Variants in GIT2 observed in about 807,000 individuals in gnomAD.
The protein encoded by GIT2 is GIT ArfGAP 2.
A neutral mutation model predicts 100.3 loss-of-function variants in GIT2; 32 were observed. The ratio of observed to expected loss-of-function variants is 0.32; its 90% CI spans 0.24 to 0.43. The LOEUF is 0.43. GIT2 is among the 20% of genes least tolerant of loss of function. The pLI is 1.00. For synonymous variants in GIT2, 353 were observed against 364.1 expected, an observed-to-expected ratio of 0.97 and a Z score of 0.35; for missense variants, 737 against 975.1, an observed-to-expected ratio of 0.76 and a Z score of 3.25.
intron 13 of GIT2, 115 bp from the exon 14 acceptor site, chr12:109,951,431 C>T (rs1388022155): frequency 1.3e-6 from 1 of 770,250 alleles, no homozygotes; most frequent in East Asian, 2.5e-5. Context: ...TTAGTCAAAC[C>T]AAATCAAGGC....
At chr12:109,996,901 A>AC (rs1173701813), upstream of GIT2, among the ~76,000 whole-genome samples, 1 of 151,656 alleles carries the variant, frequency 6.6e-6, no homozygotes, top group Non-Finnish European at 1.5e-5. Context: ...ACATGGTGAA[A>AC]CCCCATCTCT....
chr12:109,933,964 GA>G lies in GIT2; in HGVS notation c.2067+57del. ...GCTAATGTAATATATAGGTCATAAA[GA>G]AATTTCTTGCTGTTCATTTAAAAGG... On this transcript the variant is annotated intron_variant, in intron 19 of 19. Transcript: ENST00000355312. The surrounding 1 kb of genome is among the most constrained non-coding windows in gnomAD (Gnocchi z 4.5). 5.4e-6 allele frequency: 5 copies of G among 931,738 alleles called. No individual in the cohort carries two copies. Among genetic ancestry groups the G allele is most frequent in the South Asian group, 3.9e-5 (3 of 77,368 alleles). 57.7% of individuals were successfully genotyped at this position (931,738 alleles called of 1,614,324 possible). A position where few individuals can be genotyped will look rare whatever the true frequency, so the allele number is the denominator to read the frequency against.
At position 109,947,538 on chromosome 12, in the gene GIT2, T is replaced by G. The variant is rs1216022497; in HGVS notation, c.1393-34A>C. 1 of 1,595,712 alleles carries G rather than the reference T, an allele frequency of 6.3e-7. No individual in the cohort carries two copies. Among genetic ancestry groups the G allele is most frequent in the African/African-American group, 1.3e-5 (1 of 74,160 alleles). Reference sequence around the variant, plus strand: ...AATGTTTGGCAGTGGGACTGTGTTTTTTTACAGCAAGCAGAAAAAGCAAAC... The same window carrying G: ...AATGTTTGGCAGTGGGACTGTGTTTGTTTACAGCAAGCAGAAAAAGCAAAC... On this transcript the variant is annotated intron_variant, in intron 14 of 19. Transcript: ENST00000355312. The surrounding 1 kb of genome is among the most constrained non-coding windows in gnomAD (Gnocchi z 4.3).
chr12:109,996,487 T>C (rs928328883), upstream of GIT2: 2 of 443,264 alleles, frequency 4.5e-6, no homozygotes, highest in African/African-American at 4.1e-5. Context: ...TCATCTGTCC[T>C]ACCTTTAAAT....
chr12:109,967,077 A>G (rs1882694354), intron 8 of GIT2, among the ~76,000 whole-genome samples: 1 of 152,248 alleles, frequency 6.6e-6, no homozygotes, highest in Admixed American at 6.5e-5. Context: ...GAAAGCGGCC[A>G]TATTACCCAC....
chr12:109,953,387 A>G, intron 12 of GIT2, 153 bp from the exon 13 acceptor site: 1 of 706,578 alleles, frequency 1.4e-6, no homozygotes, highest in Middle Eastern at 4.0e-4. Flanking sequence ...TAGGAGGCCA[A>G]GGAGGAGAAC....
chr12:109,933,390 AG>A lies in GIT2; in HGVS notation c.2068-201del. On this transcript the variant is annotated intron_variant, in intron 19 of 19. Coordinates refer to ENST00000355312, the MANE Select transcript of GIT2 (RefSeq NM_057169.5). The surrounding 1 kb of genome is among the most constrained non-coding windows in gnomAD (Gnocchi z 4.5). ...GAGATGCTGAAATATTCTGATTCAA[AG>A]GTCAAAGTGCATGCAGGGTAATTTT... 1 of 522,016 alleles carries A rather than the reference AG, an allele frequency of 1.9e-6. No homozygotes were observed. Among genetic ancestry groups the A allele is most frequent in the South Asian group, 3.0e-5 (1 of 33,152 alleles). The allele number at this position is 522,016 out of a possible 1,614,324, so 32.3% of individuals were successfully genotyped here.
intron 11 of GIT2, among the ~76,000 whole-genome samples, 190 bp from the exon 12 acceptor site, chr12:109,960,148 T>C (rs1414368626): frequency 6.6e-6 from 1 of 152,210 alleles, no homozygotes; most frequent in Non-Finnish European, 1.5e-5. Context: ...TTTAAAACCA[T>C]TTATATAAGA....
chr12:109,995,160 CA>C (rs1404039513), intron 1 of GIT2, among the ~76,000 whole-genome samples: 1 of 152,178 alleles, frequency 6.6e-6, no homozygotes, highest in Admixed American at 6.6e-5. Flanking sequence ...TACATCCAAG[CA>C]CCTAAAACAG....
At chr12:109,965,658 T>C (rs546322642) in intron 8 of GIT2, 81 bp from the exon 9 acceptor site, 1 of 901,194 alleles carries the variant, frequency 1.1e-6, no homozygotes, top group South Asian at 1.4e-5. Flanking sequence ...ACCCAAGAGA[T>C]AAAAATATTA....
Position 109,934,010 on chromosome 12 carries a change from G to A in GIT2, c.2067+12C>T. Reference sequence around the variant, plus strand: ...AAAAGGATTTAAACCAAGTGAGTAGGAAGTGACTTACTTTGGGGAATAATG... The same window carrying A: ...AAAAGGATTTAAACCAAGTGAGTAGAAAGTGACTTACTTTGGGGAATAATG... On this transcript the variant is annotated intron_variant, in intron 19 of 19. Transcript: ENST00000355312. This position sits in a 1 kb window ranked among gnomAD's most constrained non-coding sequence, Gnocchi z 4.5. 4.2e-6 allele frequency: 6 copies of A among 1,414,056 alleles called. No individual in the cohort carries two copies. Among genetic ancestry groups the A allele is most frequent in the Non-Finnish European group, 6.0e-6 (6 of 997,400 alleles). The allele number at this position is 1,414,056 out of a possible 1,614,324, so 87.6% of individuals were successfully genotyped here. A position where few individuals can be genotyped will look rare whatever the true frequency, so the allele number is the denominator to read the frequency against.
intron 7 of GIT2, among the ~76,000 whole-genome samples, chr12:109,975,310 C>T (rs1884792774): frequency 6.6e-6 from 1 of 151,984 alleles, no homozygotes; most frequent in South Asian, 2.1e-4. Context: ...CTCAAGTGAT[C>T]CTCCCACCTC....
intron 6 of GIT2, chr12:109,983,014 C>T (rs1373470101): frequency 1.6e-5 from 3 of 182,276 alleles, no homozygotes; most frequent in East Asian, 3.0e-4. Context: ...TGTTTAATCA[C>T]ATATCTATGT....
chr12:109,944,913 T>A (rs1329548363), intron 16 of GIT2, among the ~76,000 whole-genome samples: 1 of 151,826 alleles, frequency 6.6e-6, no homozygotes, highest in African/African-American at 2.4e-5. Context: ...CCTGAACAAA[T>A]TGAACAAATT....
chr12:109,966,666 A>G (rs944186307), intron 8 of GIT2, among the ~76,000 whole-genome samples: 2 of 152,072 alleles, frequency 1.3e-5, no homozygotes, highest in Non-Finnish European at 2.9e-5. Context: ...AAAAAAAACA[A>G]AACAAAACAA....
intron 17 of GIT2, 86 bp from the exon 18 acceptor site, chr12:109,938,654 TA>T: frequency 1.1e-6 from 1 of 894,366 alleles, no homozygotes. Flanking sequence ...ATGCACTGGC[TA>T]AATGCATGAG....
chr12:109,970,748 G>C (rs977324314), intron 7 of GIT2, among the ~76,000 whole-genome samples: 3 of 152,066 alleles, frequency 2.0e-5, no homozygotes, highest in African/African-American at 4.8e-5. Context: ...AAAATTGTCT[G>C]GGCTACTCTA....
chr12:109,996,264 G>T lies in GIT2; in HGVS notation c.-40C>A. The T allele has an allele frequency of 1.4e-6, 2 of 1,433,970 alleles. No homozygotes were observed. Among genetic ancestry groups the T allele is most frequent in the South Asian group, 1.3e-5 (1 of 79,260 alleles). The allele number at this position is 1,433,970 out of a possible 1,614,324, so 88.8% of individuals were successfully genotyped here. On this transcript the variant is annotated 5_prime_UTR_variant, in exon 1 of 20. Transcript: ENST00000355312. ...ACCTGCGGGGAACTAGAGGCCGGGGGACAGCAAAGGCGGCGGTGGCGGCGG... is the reference window on the plus strand; with the variant it reads ...ACCTGCGGGGAACTAGAGGCCGGGGTACAGCAAAGGCGGCGGTGGCGGCGG...
At chr12:109,956,497 A>G (rs1254391834) in intron 12 of GIT2, among the ~76,000 whole-genome samples, 1 of 152,110 alleles carries the variant, frequency 6.6e-6, no homozygotes, top group Admixed American at 6.6e-5. Context: ...GCTTTTGGTG[A>G]CTCAATTTTT....
Sources: gnomAD v4.1 joint callset for allele counts (sites outside exome capture counted in the v4.1 genomes callset) on GRCh38, gnomAD v4.1.1 for gene constraint, Gnocchi (gnomAD v3.1) non-coding constraint, MANE v1.5 for transcripts, NCBI Gene and HGNC (gene_info 2026-07-23, HGNC 2026-07-21) for gene names.